SPARC: variants seen among roughly 807,000 people sequenced by gnomAD.
SPARC encodes secreted protein acidic and cysteine rich.
A neutral mutation model predicts 37.7 loss-of-function variants in SPARC; 23 were observed. That is an observed-to-expected ratio of 0.61 (90% confidence interval 0.44 to 0.87). The LOEUF (loss-of-function observed/expected upper bound fraction) is 0.87. Among genes scored for constraint, SPARC ranks in the 40% least tolerant of loss-of-function variants. The pLI, the probability that SPARC is intolerant of heterozygous loss-of-function variation, is 0.00. For synonymous variants in SPARC, 155 were observed against 150.8 expected (o/e 1.03, Z -0.20); for missense variants, 312 against 389.0 (o/e 0.80, Z 1.66).
At chr5:151,674,036 G>C (rs192797339) in intron 3 of SPARC, among the ~76,000 whole-genome samples, 20 of 151,184 alleles carry the variant, frequency 1.3e-4, no homozygotes, top group Admixed American at 8.6e-4. Context: ...TTTTGAGATG[G>C]AGTCTCATGC....
chr5:151,665,686 G>T (rs1421723607), intron 8 of SPARC, among the ~76,000 whole-genome samples: 6 of 152,218 alleles, frequency 3.9e-5, no homozygotes, highest in African/African-American at 1.2e-4. Context: ...GACAGGTTAT[G>T]AACAGAGTAT....
At chr5:151,664,031 CA>C (rs1268695066) in intron 9 of SPARC, 55 bp downstream of exon 9, 3 of 1,604,418 alleles carry the variant, frequency 1.9e-6, no homozygotes, top group African/African-American at 2.7e-5. Flanking sequence ...GACAACCCAG[CA>C]CCCTGGGAGC....
chr5:151,681,277 A>G (rs1258700970), intron 1 of SPARC, among the ~76,000 whole-genome samples: 2 of 152,198 alleles, frequency 1.3e-5, no homozygotes, highest in Non-Finnish European at 2.9e-5. Context: ...TGCAGCTACA[A>G]TGGCACTCCT....
chr5:151,674,417 T>C (rs567970093), intron 3 of SPARC, among the ~76,000 whole-genome samples, 195 bp downstream of exon 3: 2 of 152,178 alleles, frequency 1.3e-5, no homozygotes, highest in South Asian at 4.2e-4. Context: ...AAACGTAGGG[T>C]TCCGTTGAAG....
chr5:151,666,209 T>G (rs1760615842), intron 8 of SPARC, 152 bp downstream of exon 8: 1 of 699,140 alleles, frequency 1.4e-6, no homozygotes, highest in Admixed American at 3.1e-5. Context: ...GTCCACATCT[T>G]TTCTCCAGAT....
chr5:151,672,188 G>A (rs1246522777), intron 4 of SPARC, among the ~76,000 whole-genome samples: 1 of 152,198 alleles, frequency 6.6e-6, no homozygotes, highest in Non-Finnish European at 1.5e-5. Flanking sequence ...GGACAATAGA[G>A]CCTGGTAAAC....
chr5:151,682,818 T>G (rs976978430), intron 1 of SPARC, among the ~76,000 whole-genome samples: 3 of 152,202 alleles, frequency 2.0e-5, no homozygotes, highest in Non-Finnish European at 1.5e-5. Flanking sequence ...CCTAATGCCA[T>G]GACTAACATC....
intron 4 of SPARC, 124 bp downstream of exon 4, chr5:151,673,005 T>G (rs1760780423): frequency 1.3e-6 from 1 of 745,328 alleles, no homozygotes; most frequent in Non-Finnish European, 2.5e-6. Flanking sequence ...GTTTCCTTCA[T>G]AGCCCACTGA....
intron 1 of SPARC, among the ~76,000 whole-genome samples, chr5:151,677,649 A>G (rs929546388): frequency 2.0e-5 from 3 of 152,086 alleles, no homozygotes; most frequent in Admixed American, 6.5e-5. Flanking sequence ...AAATGCTCTT[A>G]AGACACCCCA....
chr5:151,676,242 T>A, intron 1 of SPARC, 41 bp from the exon 2 acceptor site: 1 of 1,384,956 alleles, frequency 7.2e-7, no homozygotes, highest in Non-Finnish European at 1.0e-6. Context: ...AGGGTGAGAC[T>A]TCCTTATGGA....
In SPARC at chr5:151,663,358, C is replaced by T. The variant is rs764947655; in HGVS notation, c.*213G>A. The T allele has an allele frequency of 1.1e-5, 6 of 571,344 alleles. No homozygotes were observed. The highest frequency in any genetic ancestry group is 5.9e-5 in the East Asian group (2 of 33,722). The allele number at this position is 571,344 out of a possible 1,614,324, so 35.4% of individuals were successfully genotyped here. A position where few individuals can be genotyped will look rare whatever the true frequency, so the allele number is the denominator to read the frequency against. On this transcript the variant is annotated 3_prime_UTR_variant, in exon 10 of 10. Transcript: ENST00000231061. ...CAAGAGAAAAATGGGACTATTAATG[C>T]GTGTGGAAAAGGCCTTAATAGTTAA... is the stretch of plus-strand genomic sequence containing the variant.
chr5:151,678,773 A>C (rs4958486), intron 1 of SPARC, among the ~76,000 whole-genome samples: 147,171 of 152,290 alleles, frequency 0.97, 71,179 homozygotes, highest in East Asian at 1. Flanking sequence ...AATACACCTT[A>C]AAAGTTTTGG....
At chr5:151,685,420 T>TCA (rs368789187) in intron 1 of SPARC, among the ~76,000 whole-genome samples, 31,857 of 106,194 alleles carry the variant, frequency 0.3, 3,881 homozygotes, top group Middle Eastern at 0.42. Context: ...TCCCTCTCTC[T>TCA]CTCACACACA....
intron 5 of SPARC, among the ~76,000 whole-genome samples, chr5:151,670,789 C>T (rs1760731797): frequency 1.3e-5 from 2 of 152,082 alleles, no homozygotes; most frequent in East Asian, 1.9e-4. Flanking sequence ...CTGATGGGCA[C>T]TGGTGACTGG....
Position 151,663,337 on chromosome 5 carries a change from A to G in SPARC, c.*234T>C, listed in dbSNP as rs1183699234. 3.7e-6 allele frequency: 2 copies of G among 535,908 alleles called. No homozygotes were observed. Among genetic ancestry groups the G allele is most frequent in the Admixed American group, 7.0e-5 (2 of 28,502 alleles). 33.2% of individuals were successfully genotyped at this position (535,908 alleles called of 1,614,324 possible). A position where few individuals can be genotyped will look rare whatever the true frequency, so the allele number is the denominator to read the frequency against. ...AATGGGCAAAGCTACAAATGGCAAG[A>G]GAAAAATGGGACTATTAATGCGTGT... On this transcript the variant is annotated 3_prime_UTR_variant, in exon 10 of 10. Transcript: ENST00000231061.
Position 151,669,766 on chromosome 5 carries a change from T to G in SPARC, c.349A>C (p.Lys117Gln), listed in dbSNP as rs1195851493. The G allele has an allele frequency of 6.2e-7, 1 of 1,614,096 alleles. No homozygotes were observed. The highest frequency in any genetic ancestry group is 8.5e-7 in the Non-Finnish European group (1 of 1,180,040). The change falls in exon 6 of 10, where the codon AAG (lysine) becomes CAG (glutamine). Residue 117 changes from lysine to glutamine, a missense_variant. Lys to Gln is a moderately conservative substitution (Grantham distance 53). Transcript: ENST00000231061. Reference sequence around the variant, plus strand: ...AAGTGGCAGGAAGAGTCGAAGGTCTTGTTGTCATTGCTGCACACCTGTTGG... The same window carrying G: ...AAGTGGCAGGAAGAGTCGAAGGTCTGGTTGTCATTGCTGCACACCTGTTGG... Reference protein sequence around the residue: ...EFEKVCSNDNKTFDSSCHFFA... With the variant: ...EFEKVCSNDNQTFDSSCHFFA...
chr5:151,682,617 T>A (rs894535311), intron 1 of SPARC, among the ~76,000 whole-genome samples: 1 of 152,296 alleles, frequency 6.6e-6, no homozygotes, highest in African/African-American at 2.4e-5. Context: ...TACCGATGAA[T>A]TAGTGATGTT....
chr5:151,670,753 G>C (rs1460342262), intron 5 of SPARC, among the ~76,000 whole-genome samples: 2 of 152,200 alleles, frequency 1.3e-5, no homozygotes, highest in African/African-American at 4.8e-5. Flanking sequence ...ATTTAGTATA[G>C]CTTATATGTC....
In SPARC at chr5:151,663,402, A is replaced by G. The variant is rs1581517578; in HGVS notation, c.*169T>C. ...TAGTTAAGTTACAGCTAAGAATGTC[A>G]TGTCTTGGGTTAGAATTTTCATTTT... On this transcript the variant is annotated 3_prime_UTR_variant, in exon 10 of 10. Coordinates refer to ENST00000231061, the MANE Select transcript of SPARC (RefSeq NM_003118.4). 1.5e-6 allele frequency: 1 copy of G among 668,084 alleles called. No homozygotes were observed. The highest frequency in any genetic ancestry group is 2.6e-5 in the East Asian group (1 of 38,710). The allele number at this position is 668,084 out of a possible 1,614,324, so 41.4% of individuals were successfully genotyped here.
Sources: allele counts gnomAD v4.1 joint callset (sites outside exome capture counted in the v4.1 genomes callset), GRCh38; gene constraint gnomAD v4.1.1; transcripts MANE v1.5; gene names NCBI Gene and HGNC (gene_info 2026-07-23, HGNC 2026-07-21).